The following DST variants were observed in gnomAD, a reference collection of about 807,000 sequenced individuals.
DST encodes bullous pemphigoid antigen.
DST carries 253 observed loss-of-function variants against 875.2 expected under a neutral mutation model. The ratio of observed to expected loss-of-function variants is 0.29; its 90% CI spans 0.26 to 0.32. The LOEUF (loss-of-function observed/expected upper bound fraction) is 0.32. DST is among the 10% of genes least tolerant of loss of function. The pLI, the probability that DST is intolerant of heterozygous loss-of-function variation, is 1.00. For synonymous variants in DST, 3,124 were observed against 3,197.1 expected, an observed-to-expected ratio of 0.98 and a Z score of 0.77; for missense variants, 8,287 against 9,111.6, an observed-to-expected ratio of 0.91 and a Z score of 3.68.
chr6:56,784,334 C>G (rs1006221467), intron 4 of DST, among the ~76,000 whole-genome samples: 1 of 152,208 alleles, frequency 6.6e-6, no homozygotes, highest in African/African-American at 2.4e-5. Context: ...CAACTTGGTT[C>G]CATTCTCCCC....
chr6:56,579,344 C>G (rs2097922427), intron 49 of DST, among the ~76,000 whole-genome samples: 2 of 152,016 alleles, frequency 1.3e-5, no homozygotes, highest in Admixed American at 6.6e-5. Context: ...ATAAGCTCGC[C>G]CAAATCAGTA....
chr6:56,742,875 T>C (rs2099552178), intron 4 of DST, among the ~76,000 whole-genome samples: 1 of 152,238 alleles, frequency 6.6e-6, no homozygotes, highest in Non-Finnish European at 1.5e-5. Context: ...TTTCTTTATG[T>C]ATGCCTTATG....
At chr6:56,470,926 G>A (rs1032241147) in intron 95 of DST, among the ~76,000 whole-genome samples, 180 bp downstream of exon 95, 51 of 152,052 alleles carry the variant, frequency 3.4e-4, no homozygotes, top group African/African-American at 1.2e-3. Flanking sequence ...GTTAGTGAGT[G>A]TTCCTGACTC....
At chr6:56,495,474 T>A (rs543474885) in intron 82 of DST, among the ~76,000 whole-genome samples, 1 of 152,094 alleles carries the variant, frequency 6.6e-6, no homozygotes, top group South Asian at 2.1e-4. Context: ...AGTTCTTATA[T>A]TCTTCTAAGT....
At chr6:56,856,864 T>C (rs1167670126) in intron 3 of DST, among the ~76,000 whole-genome samples, 1 of 152,176 alleles carries the variant, frequency 6.6e-6, no homozygotes, top group Admixed American at 6.5e-5. Flanking sequence ...ACCCAAGATG[T>C]CTGCACTTAT....
At chr6:56,466,396 G>T in intron 98 of DST, 2 of 345,590 alleles carry the variant, frequency 5.8e-6, no homozygotes, top group East Asian at 4.3e-5. Flanking sequence ...GAAACAGTTT[G>T]AAAAAAAAAA....
intron 52 of DST, 63 bp from the exon 53 acceptor site, chr6:56,572,329 C>A: frequency 8.3e-7 from 1 of 1,211,726 alleles, no homozygotes; most frequent in Non-Finnish European, 1.1e-6. Flanking sequence ...GGCATTCCAT[C>A]CAGAGGTCTG....
chr6:56,934,945 T>C (rs1812253337), intron 2 of DST, among the ~76,000 whole-genome samples: 1 of 152,082 alleles, frequency 6.6e-6, no homozygotes. Context: ...AAAAAAGAGT[T>C]AACTAAATAT....
At position 56,799,784 on chromosome 6, in the gene DST, G is replaced by A. The variant is rs139016997; in HGVS notation, c.625+51613C>T. On this transcript the variant is annotated intron_variant, in intron 4 of 103. Transcript: ENST00000680361. ...TAACAGGCACGCACCACCATGCCCA[G>A]CTAATTTTTGTATTTTTTTAGTAGA... is the stretch of plus-strand genomic sequence containing the variant. Among the ~76,000 whole-genome samples the A allele has an allele frequency of 3.3e-3, 508 of 152,022 alleles. 4 individuals carry two copies. Among genetic ancestry groups the A allele is most frequent in the African/African-American group, 0.012 (493 of 41,448 alleles).
At chr6:56,583,008 G>A (rs1343256894) in intron 49 of DST, among the ~76,000 whole-genome samples, 1 of 152,050 alleles carries the variant, frequency 6.6e-6, no homozygotes, top group Non-Finnish European at 1.5e-5. Context: ...TTGGACATTT[G>A]GGTTGGTTCC....
intron 88 of DST, chr6:56,484,186 G>A (rs1026025339): frequency 1.1e-4 from 16 of 151,982 alleles, no homozygotes; most frequent in Admixed American, 4.6e-4. Flanking sequence ...GTAACATTAC[G>A]CTATTCATTA....
At chr6:56,603,773 G>A in intron 40 of DST, 60 bp from the exon 41 acceptor site, 4 of 1,576,732 alleles carry the variant, frequency 2.5e-6, no homozygotes, top group East Asian at 4.5e-5. Flanking sequence ...TAAAGCAAAT[G>A]TATGGGATTA....
intron 10 of DST, among the ~76,000 whole-genome samples, chr6:56,662,687 C>T (rs569726149): frequency 6.6e-6 from 1 of 152,248 alleles, no homozygotes; most frequent in South Asian, 2.1e-4. Flanking sequence ...TGCCTGTAAT[C>T]CCAGCACTTT....
At position 56,708,543 on chromosome 6, in the gene DST, TATAAG is replaced by T. The variant is rs550245957; in HGVS notation, c.688-4179_688-4175del. Among the ~76,000 whole-genome samples the T allele has an allele frequency of 2.9e-3, 446 of 151,978 alleles. 6 individuals are homozygous for T. Among genetic ancestry groups the T allele is most frequent in the Non-Finnish European group, 7.5e-4 (51 of 67,986 alleles). On this transcript the variant is annotated intron_variant, in intron 5 of 103. Transcript: ENST00000680361. Reference sequence around the variant, plus strand: ...TGTATATGGAAAACATCCTACAAAATATAAGATATCATTTTCCGAAAAGCAAATGT... The same window carrying T: ...TGTATATGGAAAACATCCTACAAAATATATCATTTTCCGAAAAGCAAATGT...
At chr6:56,740,565 C>A (rs547856693) in intron 4 of DST, among the ~76,000 whole-genome samples, 1 of 152,172 alleles carries the variant, frequency 6.6e-6, no homozygotes, top group African/African-American at 2.4e-5. Flanking sequence ...ATTGAAAGAG[C>A]CTTGGTTAGG....
chr6:56,929,028 G>A (rs1808716824), intron 2 of DST, among the ~76,000 whole-genome samples: 1 of 151,652 alleles, frequency 6.6e-6, no homozygotes, highest in South Asian at 2.1e-4. Context: ...TTTTCCTTTG[G>A]AATTAGACAA....
chr6:56,669,942 C>T (rs924793689), intron 10 of DST, among the ~76,000 whole-genome samples: 2 of 152,190 alleles, frequency 1.3e-5, no homozygotes, highest in African/African-American at 2.4e-5. Context: ...CCAAAACTGG[C>T]AATTGTTAAG....
intron 89 of DST, 88 bp from the exon 90 acceptor site, chr6:56,482,266 C>T: frequency 7.1e-7 from 1 of 1,404,640 alleles, no homozygotes; most frequent in South Asian, 1.9e-5. Context: ...TGGATTCATC[C>T]CTTCAATGAA....
chr6:56,691,941 G>A (rs1168666771), intron 9 of DST, among the ~76,000 whole-genome samples: 1 of 152,178 alleles, frequency 6.6e-6, no homozygotes. Context: ...TCAAACTCAT[G>A]AATCAGCAAG....
Sources: allele counts gnomAD v4.1 joint callset (sites outside exome capture counted in the v4.1 genomes callset), GRCh38; gene constraint gnomAD v4.1.1; transcripts MANE v1.5; gene names NCBI Gene and HGNC (gene_info 2026-07-23, HGNC 2026-07-21).